GAS2: variants seen among roughly 807,000 people sequenced by gnomAD.
GAS2 encodes growth arrest specific 2.
GAS2 carries 20 observed loss-of-function variants against 37.5 expected under a neutral mutation model. The observed-to-expected ratio is 0.53, with a 90% CI of 0.37 to 0.77. The LOEUF (loss-of-function observed/expected upper bound fraction) is 0.77. GAS2 is among the 30% of genes least tolerant of loss of function. GAS2 has a pLI of 0.00. For missense variants in GAS2, 336 were observed against 373.4 expected, an observed-to-expected ratio of 0.90 and a Z score of 0.82; for synonymous variants, 144 against 132.2, an observed-to-expected ratio of 1.09 and a Z score of -0.61.
intron 7 of GAS2, among the ~76,000 whole-genome samples, chr11:22,771,687 TAA>T (rs1412210182): frequency 2.0e-5 from 3 of 152,224 alleles, no homozygotes; most frequent in Non-Finnish European, 4.4e-5. Context: ...AAAATAATTA[TAA>T]GAGAAACCCC....
At chr11:22,710,449 A>T (rs1033104941) in intron 3 of GAS2, among the ~76,000 whole-genome samples, 1 of 151,854 alleles carries the variant, frequency 6.6e-6, no homozygotes, top group Non-Finnish European at 1.5e-5. Flanking sequence ...TTTGTTGGAA[A>T]TGAAAAATTC....
intron 7 of GAS2, among the ~76,000 whole-genome samples, chr11:22,782,385 G>A (rs1855594215): frequency 6.6e-6 from 1 of 152,042 alleles, no homozygotes. Flanking sequence ...TGAACCAATT[G>A]GAAAGTACTG....
At chr11:22,774,574 G>T (rs1855155684) in intron 7 of GAS2, among the ~76,000 whole-genome samples, 1 of 152,206 alleles carries the variant, frequency 6.6e-6, no homozygotes, top group Admixed American at 6.5e-5. Context: ...AAGATTGGGA[G>T]ACCAAAACTG....
chr11:22,652,781 C>T (rs531487042), intron 1 of GAS2, among the ~76,000 whole-genome samples: 7 of 152,328 alleles, frequency 4.6e-5, no homozygotes, highest in South Asian at 4.1e-4. Flanking sequence ...TGCTTCGGCT[C>T]GCACACGGTG....
intron 3 of GAS2, chr11:22,688,252 G>A (rs370319932): frequency 6.6e-6 from 1 of 152,108 alleles, no homozygotes; most frequent in East Asian, 1.9e-4. Context: ...TAGGGCTCTT[G>A]ATAAAATCTC....
chr11:22,727,199 T>C (rs1261123143), intron 4 of GAS2, among the ~76,000 whole-genome samples: 1 of 152,000 alleles, frequency 6.6e-6, no homozygotes, highest in Non-Finnish European at 1.5e-5. Context: ...AACTCAAATA[T>C]GTAAAATATT....
At chr11:22,693,669 A>C (rs539744723) in intron 3 of GAS2, among the ~76,000 whole-genome samples, 4 of 152,332 alleles carry the variant, frequency 2.6e-5, no homozygotes, top group Admixed American at 2.6e-4. Flanking sequence ...TGTTTGCAAA[A>C]GTGTACTAGT....
chr11:22,762,953 C>T (rs1030924317), intron 7 of GAS2, among the ~76,000 whole-genome samples: 6 of 152,042 alleles, frequency 3.9e-5, no homozygotes, highest in African/African-American at 1.4e-4. Flanking sequence ...GGTATTACGT[C>T]AAGACATTTT....
chr11:22,731,776 G>A (rs550260000), intron 4 of GAS2, among the ~76,000 whole-genome samples: 1 of 151,764 alleles, frequency 6.6e-6, no homozygotes, highest in East Asian at 1.9e-4. Context: ...TGGGAAAAAA[G>A]CTATATTACT....
At position 22,685,806 on chromosome 11, in the gene GAS2, CAA is replaced by C; in HGVS notation, c.267+21_267+22del. ...CCCACAAAGGTAAAAGATCCCAATG[CAA>C]AAATCACTCTTAGGTGGTAGATTAC... is the stretch of plus-strand genomic sequence containing the variant. On this transcript the variant is annotated intron_variant, in intron 3 of 7. Coordinates refer to ENST00000454584, the MANE Select transcript of GAS2 (RefSeq NM_001143830.3). 6.2e-7 allele frequency: 1 copy of C among 1,601,700 alleles called. No homozygotes were observed. Among genetic ancestry groups the C allele is most frequent in the Non-Finnish European group, 8.5e-7 (1 of 1,175,860 alleles).
intron 7 of GAS2, among the ~76,000 whole-genome samples, chr11:22,783,886 G>A (rs1020122641): frequency 1.3e-5 from 2 of 152,084 alleles, no homozygotes; most frequent in Admixed American, 6.6e-5. Context: ...TCCAAGCAGC[G>A]TTTATTGAAT....
At chr11:22,764,184 T>A (rs553202074) in intron 7 of GAS2, among the ~76,000 whole-genome samples, 32 of 152,244 alleles carry the variant, frequency 2.1e-4, no homozygotes, top group African/African-American at 5.5e-4. Context: ...TAAGATTTTT[T>A]AAAAAAATTT....
At chr11:22,627,485 C>A (rs766758287) in intron 1 of GAS2, among the ~76,000 whole-genome samples, 1 of 152,078 alleles carries the variant, frequency 6.6e-6, no homozygotes, top group Non-Finnish European at 1.5e-5. Flanking sequence ...CTTTTCAGGC[C>A]GGAGGCAGTG....
intron 1 of GAS2, among the ~76,000 whole-genome samples, chr11:22,644,918 C>T (rs1199113250): frequency 4.6e-5 from 7 of 152,204 alleles, no homozygotes; most frequent in Non-Finnish European, 1.0e-4. Context: ...GCCACCACTA[C>T]CGGCCGCCTA....
At chr11:22,696,411 A>G (rs1331977083) in intron 3 of GAS2, among the ~76,000 whole-genome samples, 1 of 152,098 alleles carries the variant, frequency 6.6e-6, no homozygotes, top group East Asian at 1.9e-4. Context: ...ATACGTGTGC[A>G]TGTGTCTTTA....
At chr11:22,632,384 T>A (rs183569267) in intron 1 of GAS2, among the ~76,000 whole-genome samples, 12 of 152,200 alleles carry the variant, frequency 7.9e-5, no homozygotes. Context: ...ACCATAGCCC[T>A]TTCTGGCTTA....
At chr11:22,778,276 A>G (rs576017952) in intron 7 of GAS2, among the ~76,000 whole-genome samples, 11 of 152,316 alleles carry the variant, frequency 7.2e-5, no homozygotes, top group African/African-American at 2.6e-4. Flanking sequence ...AGGGCTGATT[A>G]TTCATTCAGC....
At chr11:22,783,240 CT>C (rs1443266483) in intron 7 of GAS2, among the ~76,000 whole-genome samples, 1 of 151,976 alleles carries the variant, frequency 6.6e-6, no homozygotes, top group East Asian at 1.9e-4. Flanking sequence ...TGTTTGTCTT[CT>C]TTTGAGAGGT....
chr11:22,741,363 T>C (rs1853069267), intron 5 of GAS2, among the ~76,000 whole-genome samples: 1 of 152,186 alleles, frequency 6.6e-6, no homozygotes, highest in Non-Finnish European at 1.5e-5. Flanking sequence ...AAGATATTTT[T>C]ACTGACAGTG....
Sources: gnomAD v4.1 joint callset for allele counts (sites outside exome capture counted in the v4.1 genomes callset) on GRCh38, gnomAD v4.1.1 for gene constraint, MANE v1.5 for transcripts, NCBI Gene and HGNC (gene_info 2026-07-23, HGNC 2026-07-21) for gene names.